SLC9A9: variants seen among roughly 807,000 people sequenced by gnomAD.
SLC9A9 encodes solute carrier family 9 member A9.
SLC9A9 carries 62 observed loss-of-function variants against 77.8 expected under a neutral mutation model. That is an observed-to-expected ratio of 0.80 (90% confidence interval 0.65 to 0.98). SLC9A9 has a LOEUF of 0.98. SLC9A9 is among the 50% of genes least tolerant of loss of function. The pLI is 0.00. For synonymous variants in SLC9A9, 320 were observed against 283.5 expected (o/e 1.13, Z -1.29); for missense variants, 775 against 774.9 (o/e 1.00, Z 0.00).
intron 8 of SLC9A9, among the ~76,000 whole-genome samples, chr3:143,571,663 C>T (rs1226044243): frequency 6.6e-6 from 1 of 152,022 alleles, no homozygotes; most frequent in African/African-American, 2.4e-5. Flanking sequence ...TCCTGTATAA[C>T]TCATCATGTT....
chr3:143,293,889 TATTC>T (rs1559855625), intron 14 of SLC9A9, among the ~76,000 whole-genome samples: 2 of 152,206 alleles, frequency 1.3e-5, no homozygotes, highest in Non-Finnish European at 2.9e-5. Flanking sequence ...TTGCAGAAAG[TATTC>T]ATTGTTAAAA....
At chr3:143,418,882 C>T (rs2034247691) in intron 12 of SLC9A9, among the ~76,000 whole-genome samples, 1 of 152,110 alleles carries the variant, frequency 6.6e-6, no homozygotes, top group Non-Finnish European at 1.5e-5. Flanking sequence ...TCCTCATTTG[C>T]AGGGATGTGT....
chr3:143,303,040 T>A (rs909759262), intron 14 of SLC9A9, among the ~76,000 whole-genome samples: 2 of 152,178 alleles, frequency 1.3e-5, no homozygotes, highest in African/African-American at 4.8e-5. Flanking sequence ...GAGGGACAAC[T>A]GGCTCTCCAG....
intron 4 of SLC9A9, among the ~76,000 whole-genome samples, chr3:143,748,950 G>C (rs970212207): frequency 1.3e-5 from 2 of 151,714 alleles, no homozygotes; most frequent in East Asian, 1.9e-4. Context: ...TGATCCACCC[G>C]CCTCGGCCTC....
rs533442034 is a variant in SLC9A9, at chr3:143,741,136, T to C, written c.534-47829A>G. 2.0e-5 allele frequency among the ~76,000 whole-genome samples: 3 copies of C among 152,228 alleles called. No homozygotes were observed. The South Asian group carries it at 6.2e-4, about 31-fold the overall frequency. ...AGGGTCTAAAAGAAACCACCCAAGA[T>C]CCTGGTTTCTAATCTCATTCTCCAG... On this transcript the variant is annotated intron_variant, in intron 4 of 15. Transcript: ENST00000316549.
intron 8 of SLC9A9, among the ~76,000 whole-genome samples, chr3:143,563,594 T>C (rs900250570): frequency 1.3e-5 from 2 of 152,142 alleles, no homozygotes; most frequent in Non-Finnish European, 2.9e-5. Context: ...AATAGGGGTA[T>C]ATAAGACAAT....
chr3:143,437,239 C>T (rs187195114), intron 12 of SLC9A9, among the ~76,000 whole-genome samples: 1 of 152,326 alleles, frequency 6.6e-6, no homozygotes, highest in African/African-American at 2.4e-5. Context: ...CCAGAAGTGA[C>T]ACGATTGGCC....
rs147552664 is a variant in SLC9A9 at position 143,402,209 on chromosome 3, A to G, written c.1470-20095T>C. Among the ~76,000 whole-genome samples the G allele has an allele frequency of 4.2e-3, 646 of 152,322 alleles. 4 individuals are homozygous for G. The highest frequency in any genetic ancestry group is 0.015 in the African/African-American group (615 of 41,588). ...TTAAACAGTTTTTTTAAAAAAATTT[A>G]ATTTGGCATGCTGCCTACCTCAACG... On this transcript the variant is annotated intron_variant, in intron 12 of 15. Coordinates refer to ENST00000316549, the MANE Select transcript of SLC9A9 (RefSeq NM_173653.4).
chr3:143,633,604 T>C (rs758066156), intron 6 of SLC9A9, among the ~76,000 whole-genome samples: 3 of 152,160 alleles, frequency 2.0e-5, no homozygotes, highest in Non-Finnish European at 4.4e-5. Context: ...TCTTTGTTGA[T>C]GTAAGCAAAT....
intron 14 of SLC9A9, among the ~76,000 whole-genome samples, chr3:143,330,936 G>C (rs1480544880): frequency 1.3e-5 from 2 of 152,168 alleles, no homozygotes; most frequent in African/African-American, 4.8e-5. Context: ...CTGCTCTGTA[G>C]TGACGCTGAT....
intron 11 of SLC9A9, among the ~76,000 whole-genome samples, chr3:143,490,420 A>G (rs1332508722): frequency 1.3e-5 from 2 of 152,206 alleles, no homozygotes; most frequent in African/African-American, 2.4e-5. Flanking sequence ...TAAACCAATC[A>G]CAAAAAGACA....
At chr3:143,278,599 A>G (rs1938122627) in intron 14 of SLC9A9, among the ~76,000 whole-genome samples, 2 of 152,138 alleles carry the variant, frequency 1.3e-5, no homozygotes, top group Non-Finnish European at 2.9e-5. Flanking sequence ...TCCAATCTCT[A>G]TTTCTGTCTT....
chr3:143,524,681 G>A (rs2036373877), intron 9 of SLC9A9, among the ~76,000 whole-genome samples: 1 of 152,174 alleles, frequency 6.6e-6, no homozygotes, highest in African/African-American at 2.4e-5. Context: ...TCAAGATGAA[G>A]CTATGATTTG....
At chr3:143,616,031 C>T (rs1379140575) in intron 6 of SLC9A9, among the ~76,000 whole-genome samples, 6 of 152,032 alleles carry the variant, frequency 3.9e-5, no homozygotes, top group African/African-American at 1.2e-4. Flanking sequence ...CAGGCGCCCA[C>T]CACCACGCCC....
At chr3:143,649,584 A>T (rs1422226219) in intron 6 of SLC9A9, among the ~76,000 whole-genome samples, 1 of 152,210 alleles carries the variant, frequency 6.6e-6, no homozygotes, top group Non-Finnish European at 1.5e-5. Context: ...TAGCAAAGAA[A>T]AGCTGCTTTA....
intron 12 of SLC9A9, among the ~76,000 whole-genome samples, chr3:143,391,506 CAG>C (rs1443051003): frequency 1.3e-5 from 2 of 152,214 alleles, no homozygotes; most frequent in African/African-American, 2.4e-5. Context: ...GGGGAAAAAA[CAG>C]AGCAGAAATT....
chr3:143,290,201 A>G (rs1161355959), intron 14 of SLC9A9, among the ~76,000 whole-genome samples: 2 of 152,172 alleles, frequency 1.3e-5, no homozygotes, highest in East Asian at 1.9e-4. Flanking sequence ...GGGCACCTGT[A>G]CATACTGTAC....
At chr3:143,507,831 G>C (rs535796789) in intron 9 of SLC9A9, among the ~76,000 whole-genome samples, 2 of 152,288 alleles carry the variant, frequency 1.3e-5, no homozygotes, top group Admixed American at 1.3e-4. Context: ...CTGGTGTTGA[G>C]AGCCCATTTC....
intron 12 of SLC9A9, among the ~76,000 whole-genome samples, chr3:143,435,594 A>T (rs1446089499): frequency 1.3e-5 from 2 of 152,222 alleles, no homozygotes; most frequent in African/African-American, 4.8e-5. Context: ...TTCACCTTGA[A>T]TCCAACACAT....
Sources: allele counts gnomAD v4.1 joint callset (sites outside exome capture counted in the v4.1 genomes callset), GRCh38; gene constraint gnomAD v4.1.1; transcripts MANE v1.5; gene names NCBI Gene and HGNC (gene_info 2026-07-23, HGNC 2026-07-21).